The following SYTL2 variants were observed in gnomAD, a reference collection of about 807,000 sequenced individuals.
SYTL2 encodes the protein synaptotagmin-like protein 2.
A neutral mutation model predicts 198.7 loss-of-function variants in SYTL2; 165 were observed. The ratio of observed to expected loss-of-function variants is 0.83; its 90% CI spans 0.73 to 0.94. The LOEUF (loss-of-function observed/expected upper bound fraction) is 0.94. SYTL2 is among the 40% of genes least tolerant of loss of function. SYTL2 has a pLI of 0.00. For synonymous variants in SYTL2, 966 were observed against 917.7 expected, an observed-to-expected ratio of 1.05 and a Z score of -0.95; for missense variants, 2,835 against 2,582.8, an observed-to-expected ratio of 1.10 and a Z score of -2.12.
At chr11:85,740,854 G>C (rs2090732783) in intron 4 of SYTL2, among the ~76,000 whole-genome samples, 1 of 152,178 alleles carries the variant, frequency 6.6e-6, no homozygotes. Context: ...ACAAGTCTTT[G>C]AAATCTTAAA....
intron 1 of SYTL2, among the ~76,000 whole-genome samples, chr11:85,785,698 A>G (rs1423631171): frequency 6.6e-6 from 1 of 152,160 alleles, no homozygotes; most frequent in African/African-American, 2.4e-5. Flanking sequence ...AATGAGGCTC[A>G]TGGTCTGGAC....
At chr11:85,790,126 C>T (rs2092708508) in intron 1 of SYTL2, among the ~76,000 whole-genome samples, 1 of 152,080 alleles carries the variant, frequency 6.6e-6, no homozygotes. Flanking sequence ...ATTTTTAATA[C>T]TTTTGTGCAT....
At chr11:85,784,854 G>A (rs1255682249) in intron 1 of SYTL2, among the ~76,000 whole-genome samples, 1 of 151,854 alleles carries the variant, frequency 6.6e-6, no homozygotes, top group African/African-American at 2.4e-5. Context: ...GCTGGTAAGG[G>A]GTAAAGAAAA....
chr11:85,765,338 A>C (rs1318154543), intron 1 of SYTL2, among the ~76,000 whole-genome samples: 1 of 152,060 alleles, frequency 6.6e-6, no homozygotes, highest in Non-Finnish European at 1.5e-5. Flanking sequence ...CCAGGTTCAA[A>C]TGATTCTCCT....
chr11:85,711,696 G>C (rs2086316195), intron 12 of SYTL2, among the ~76,000 whole-genome samples: 1 of 151,872 alleles, frequency 6.6e-6, no homozygotes, highest in African/African-American at 2.4e-5. Context: ...TCTTTTACTT[G>C]ACACACTATT....
chr11:85,701,096 C>A (rs1180203855), intron 16 of SYTL2, among the ~76,000 whole-genome samples: 2 of 152,156 alleles, frequency 1.3e-5, no homozygotes, highest in African/African-American at 2.4e-5. Flanking sequence ...ATAACAAAGA[C>A]TGAACAATAA....
At chr11:85,791,676 G>A (rs1480477715) in intron 1 of SYTL2, among the ~76,000 whole-genome samples, 1 of 152,086 alleles carries the variant, frequency 6.6e-6, no homozygotes, top group African/African-American at 2.4e-5. Flanking sequence ...GCCTGCAATA[G>A]CTCTTCAAAT....
At chr11:85,741,338 T>A (rs1017957182) in intron 4 of SYTL2, among the ~76,000 whole-genome samples, 13 of 152,166 alleles carry the variant, frequency 8.5e-5, no homozygotes, top group Non-Finnish European at 1.9e-4. Flanking sequence ...GCACCTCAAG[T>A]CAGTATTTCT....
At chr11:85,703,560 A>G (rs2084666091) in intron 16 of SYTL2, among the ~76,000 whole-genome samples, 1 of 152,198 alleles carries the variant, frequency 6.6e-6, no homozygotes. Flanking sequence ...ATGTTATGAT[A>G]CCAAGAAAAT....
chr11:85,709,846 C>A (rs142187170), intron 13 of SYTL2, among the ~76,000 whole-genome samples: 2,844 of 152,180 alleles, frequency 0.019, 50 homozygotes, highest in Admixed American at 0.035. Context: ...CCATGCCCAG[C>A]TAATTTTTAT....
intron 13 of SYTL2, among the ~76,000 whole-genome samples, 170 bp downstream of exon 13, chr11:85,710,943 G>A (rs1404301641): frequency 1.3e-5 from 2 of 151,454 alleles, no homozygotes; most frequent in Non-Finnish European, 2.9e-5. Context: ...AACCCCGTTA[G>A]TCTAAAAAAA....
At chr11:85,709,254 C>T in intron 14 of SYTL2, 77 bp downstream of exon 14, 2 of 1,465,084 alleles carry the variant, frequency 1.4e-6, no homozygotes, top group Non-Finnish European at 9.5e-7. Flanking sequence ...CTCTTGATTA[C>T]TTTATTTCCT....
At chr11:85,708,698 C>T (rs1166432255) in intron 14 of SYTL2, among the ~76,000 whole-genome samples, 3 of 152,204 alleles carry the variant, frequency 2.0e-5, no homozygotes, top group Admixed American at 2.0e-4. Flanking sequence ...CCTCATTCCT[C>T]ATTTTGCTTC....
rs548136598 is a variant in SYTL2, at chr11:85,747,832, TA to T, written c.253+439del. Reference sequence around the variant, plus strand: ...CAAATAAACAAGAAGGTTTTTCCATTAAAAAAATGTCTTTACGGTCTCTTAA... The same window carrying T: ...CAAATAAACAAGAAGGTTTTTCCATTAAAAAATGTCTTTACGGTCTCTTAA... On this transcript the variant is annotated intron_variant, in intron 3 of 19. Transcript: ENST00000359152. Among the ~76,000 whole-genome samples, 28 of 152,240 alleles carry T rather than the reference TA, an allele frequency of 1.8e-4. No homozygotes were observed. In the South Asian group the frequency reaches 2.3e-3, roughly 12 times the overall value.
intron 1 of SYTL2, among the ~76,000 whole-genome samples, chr11:85,809,664 C>T (rs1221041086): frequency 6.6e-6 from 1 of 152,190 alleles, no homozygotes; most frequent in African/African-American, 2.4e-5. Flanking sequence ...GGGTATAGTA[C>T]ATCACCCCTC....
chr11:85,820,479 G>A, the SYTL2 span, among the ~76,000 whole-genome samples: 2,410 of 152,272 alleles, frequency 0.016, 60 homozygotes, highest in African/African-American at 0.056. Context: ...CCACCCCATA[G>A]AAGCAGCATC....
chr11:85,733,728 T>C (rs2090061848), intron 7 of SYTL2: 1 of 434,454 alleles, frequency 2.3e-6, no homozygotes, highest in Admixed American at 4.0e-5. Context: ...GCCTCCCGAG[T>C]AGCTGGGACT....
rs113970010 is a variant in SYTL2 at position 85,727,189 on chromosome 11, T to C, written c.2169A>G (p.Pro723=). 1.3e-6 allele frequency: 2 copies of C among 1,536,546 alleles called. No homozygotes were observed. Among genetic ancestry groups the C allele is most frequent in the Non-Finnish European group, 1.7e-6 (2 of 1,146,976 alleles). ...NFDSSTVVKE[P]GLKDNMNAER... is the part of the protein sequence containing the mutation. ...CTGCATTCATGTTATCTTTCAAACC[T>C]GGTTCTTTGACAACTGTTGAAGAGT... Residue 723 remains proline (P), a synonymous_variant, in exon 8 of 20, where the codon CCA becomes CCG. Coordinates refer to ENST00000359152, the MANE Select transcript of SYTL2 (RefSeq NM_206927.4).
At chr11:85,732,745 TA>T (rs1438597562) in intron 7 of SYTL2, among the ~76,000 whole-genome samples, 2 of 152,202 alleles carry the variant, frequency 1.3e-5, no homozygotes, top group East Asian at 1.9e-4. Flanking sequence ...AGTATATATT[TA>T]AAAAAAATTT....
Sources: gnomAD v4.1 joint callset for allele counts (sites outside exome capture counted in the v4.1 genomes callset) on GRCh38, gnomAD v4.1.1 for gene constraint, MANE v1.5 for transcripts, NCBI Gene and HGNC (gene_info 2026-07-23, HGNC 2026-07-21) for gene names.